The following MACROD1 variants were observed in gnomAD, a reference collection of about 807,000 sequenced individuals.
MACROD1 encodes ADP-ribose glycohydrolase MACROD1.
MACROD1 carries 31 observed loss-of-function variants against 41.4 expected under a neutral mutation model. That is an observed-to-expected ratio of 0.75 (90% confidence interval 0.56 to 1.01). The LOEUF (loss-of-function observed/expected upper bound fraction) is 1.01. Among genes scored for constraint, MACROD1 ranks in the 50% least tolerant of loss-of-function variants. The pLI is 0.00. For synonymous variants in MACROD1, 252 were observed against 203.4 expected (o/e 1.24, Z -2.03); for missense variants, 473 against 460.0 (o/e 1.03, Z -0.26).
chr11:64,049,351 T>C (rs1943646866), intron 3 of MACROD1, among the ~76,000 whole-genome samples: 1 of 152,230 alleles, frequency 6.6e-6, no homozygotes, highest in African/African-American at 2.4e-5. Context: ...AAGGCTGTGC[T>C]GTTCACAGCG....
At position 64,151,795 on chromosome 11, in the gene MACROD1, C is replaced by T. The variant is rs557806982; in HGVS notation, c.401-440G>A. On this transcript the variant is annotated intron_variant, in intron 2 of 10. Transcript: ENST00000255681. The stretch of plus-strand genomic sequence containing the variant: ...ACCTAACCTAGGGCTCTGTTTCCAA[C>T]CATACAATGGGGATAAAAATTGCAC... 9.2e-5 allele frequency among the ~76,000 whole-genome samples: 14 copies of T among 152,282 alleles called. No homozygotes were observed. In the East Asian group the frequency reaches 2.5e-3, roughly 27 times the overall value.
chr11:64,162,424 C>A (rs1945768959), intron 1 of MACROD1, among the ~76,000 whole-genome samples: 1 of 151,910 alleles, frequency 6.6e-6, no homozygotes, highest in Non-Finnish European at 1.5e-5. Flanking sequence ...GATCGCTGAG[C>A]CCAGCAGTTT....
chr11:64,006,389 C>A (rs1942914171), intron 4 of MACROD1, among the ~76,000 whole-genome samples: 1 of 152,228 alleles, frequency 6.6e-6, no homozygotes, highest in Admixed American at 6.5e-5. Flanking sequence ...CTCAGCCCAG[C>A]AGGGTGCAGA....
chr11:64,048,768 C>T (rs1018552420), intron 3 of MACROD1, among the ~76,000 whole-genome samples: 15 of 152,164 alleles, frequency 9.9e-5, no homozygotes, highest in Admixed American at 2.6e-4. Context: ...ACTCTAAGGG[C>T]GGAGCTGGAT....
intron 3 of MACROD1, among the ~76,000 whole-genome samples, chr11:64,114,055 C>CATGGATGGATGG (rs61724501): frequency 5.1e-5 from 5 of 98,026 alleles, no homozygotes; most frequent in Non-Finnish European, 1.1e-4. Flanking sequence ...TGGGTTGATG[C>CATGGATGGATGG]ATGGATGGAT....
intron 3 of MACROD1, among the ~76,000 whole-genome samples, chr11:64,077,993 C>T (rs1320487171): frequency 6.6e-6 from 1 of 152,188 alleles, no homozygotes; most frequent in Non-Finnish European, 1.5e-5. Context: ...TCCTCCTCAG[C>T]GGGGGTCCCA....
chr11:64,032,359 T>C (rs944706406), intron 3 of MACROD1, among the ~76,000 whole-genome samples: 2 of 152,124 alleles, frequency 1.3e-5, no homozygotes, highest in African/African-American at 4.8e-5. Flanking sequence ...GATAAGGAAA[T>C]GGAGGCACAG....
At chr11:64,052,175 G>C (rs962920925) in intron 3 of MACROD1, among the ~76,000 whole-genome samples, 2 of 152,004 alleles carry the variant, frequency 1.3e-5, no homozygotes, top group Admixed American at 1.3e-4. Context: ...AAGGCACCCA[G>C]AGCCCCGGTG....
At chr11:64,008,666 CT>C (rs1485222244) in intron 4 of MACROD1, among the ~76,000 whole-genome samples, 1 of 152,190 alleles carries the variant, frequency 6.6e-6, no homozygotes, top group Non-Finnish European at 1.5e-5. Context: ...CACACACGGG[CT>C]TGCCCTGCCA....
At chr11:64,156,108 C>CAAAA (rs781677528) in intron 1 of MACROD1, among the ~76,000 whole-genome samples, 4 of 56,944 alleles carry the variant, frequency 7.0e-5, no homozygotes, top group African/African-American at 1.4e-4. Context: ...AACTCCATCT[C>CAAAA]AAAAAAAAAA....
intron 1 of MACROD1, among the ~76,000 whole-genome samples, chr11:64,154,864 C>T (rs916270154): frequency 7.9e-5 from 12 of 152,210 alleles, no homozygotes; most frequent in South Asian, 2.1e-4. Context: ...GGATTACACG[C>T]GTGTGCCAGC....
chr11:64,001,579 C>T, intron 4 of MACROD1: 1 of 702,272 alleles, frequency 1.4e-6, no homozygotes, highest in Non-Finnish European at 2.6e-6. Context: ...ACAATTAAAC[C>T]TCATTCTGCA....
chr11:64,006,648 C>A (rs900632540), intron 4 of MACROD1, among the ~76,000 whole-genome samples: 1 of 152,224 alleles, frequency 6.6e-6, no homozygotes, highest in Non-Finnish European at 1.5e-5. Context: ...TTGGTGGCAT[C>A]GTGCCTGCTG....
intron 3 of MACROD1, among the ~76,000 whole-genome samples, chr11:64,139,260 T>A (rs1945375576): frequency 6.6e-6 from 1 of 152,136 alleles, no homozygotes; most frequent in Non-Finnish European, 1.5e-5. Flanking sequence ...CCGTCCTCCC[T>A]GGCTTCCATC....
intron 3 of MACROD1, among the ~76,000 whole-genome samples, chr11:64,075,719 C>A (rs1178349015): frequency 1.3e-5 from 2 of 152,236 alleles, no homozygotes; most frequent in Non-Finnish European, 2.9e-5. Context: ...CTTGCCCAGG[C>A]TGGAGCGCAG....
intron 3 of MACROD1, among the ~76,000 whole-genome samples, chr11:64,135,121 G>A (rs1477858363): frequency 6.6e-6 from 1 of 152,190 alleles, no homozygotes; most frequent in African/African-American, 2.4e-5. Context: ...ACACTGAGAA[G>A]TCTACACTGC....
intron 3 of MACROD1, among the ~76,000 whole-genome samples, chr11:64,098,024 T>A (rs1213129998): frequency 6.6e-6 from 1 of 152,058 alleles, no homozygotes; most frequent in Non-Finnish European, 1.5e-5. Flanking sequence ...CTTCAACCCC[T>A]CACTGTATGA....
chr11:64,083,466 A>G (rs1944338024), intron 3 of MACROD1, among the ~76,000 whole-genome samples: 1 of 152,186 alleles, frequency 6.6e-6, no homozygotes, highest in Non-Finnish European at 1.5e-5. Flanking sequence ...TAAAAGAAGC[A>G]AATGGCAGGA....
intron 3 of MACROD1, among the ~76,000 whole-genome samples, chr11:64,091,603 A>G (rs1944491963): frequency 6.6e-6 from 1 of 152,060 alleles, no homozygotes; most frequent in Non-Finnish European, 1.5e-5. Context: ...TCCTTGCCAC[A>G]GCCTAGGACG....
Sources: allele counts gnomAD v4.1 joint callset (sites outside exome capture counted in the v4.1 genomes callset), GRCh38; gene constraint gnomAD v4.1.1; transcripts MANE v1.5; gene names NCBI Gene and HGNC (gene_info 2026-07-23, HGNC 2026-07-21).